Variants in AGBL1 observed in about 807,000 individuals in gnomAD.
AGBL1 encodes cytosolic carboxypeptidase 4.
A neutral mutation model predicts 118.9 loss-of-function variants in AGBL1; 130 were observed. The observed-to-expected ratio is 1.09, with a 90% CI of 0.95 to 1.26. AGBL1 has a LOEUF of 1.26. Among genes scored for constraint, AGBL1 ranks in the 50% most tolerant of loss-of-function variants. The pLI is 0.00. For synonymous variants in AGBL1, 555 were observed against 478.9 expected (o/e 1.16, Z -2.08); for missense variants, 1,584 against 1,298.1 (o/e 1.22, Z -3.38).
At position 86,538,238 on chromosome 15, in the gene AGBL1, A is replaced by T. The variant is rs190407602; in HGVS notation, c.2686-7764A>T. Among the ~76,000 whole-genome samples, 413 of 152,276 alleles carry T rather than the reference A, an allele frequency of 2.7e-3. 3 individuals carry two copies. The highest frequency in any genetic ancestry group is 3.4e-3 in the Non-Finnish European group (234 of 68,024). On this transcript the variant is annotated intron_variant, in intron 19 of 22. Coordinates refer to ENST00000614907, the MANE Select transcript of AGBL1 (RefSeq NM_001386094.1). ...CATGTTGAAACTTTGGCCCATGATG[A>T]CCCAATTTAAGTGAAAGTCTGAGTC...
At chr15:86,254,605 A>T (rs1453462405) in intron 7 of AGBL1, among the ~76,000 whole-genome samples, 1 of 152,214 alleles carries the variant, frequency 6.6e-6, no homozygotes, top group Non-Finnish European at 1.5e-5. Flanking sequence ...ATTGAGAGTG[A>T]TGGGAAAAGG....
At position 86,559,458 on chromosome 15, in the gene AGBL1, A is replaced by T. The variant is rs144331073; in HGVS notation, c.2994+4921A>T. Among the ~76,000 whole-genome samples, 18 of 152,118 alleles carry T rather than the reference A, an allele frequency of 1.2e-4. No individual in the cohort carries two copies. The East Asian group carries it at 2.5e-3, about 21-fold the overall frequency. On this transcript the variant is annotated intron_variant, in intron 21 of 22. Transcript: ENST00000614907. ...TCTCCACCTCATGATGAGGAAAATG[A>T]AAAGTTTCAGATTTTCTTGGAACAT...
At chr15:86,285,350 G>A (rs1413943560) in intron 16 of AGBL1, among the ~76,000 whole-genome samples, 2 of 151,996 alleles carry the variant, frequency 1.3e-5, no homozygotes, top group African/African-American at 4.8e-5. Context: ...ATATGGTTTG[G>A]CTGTGTCCCC....
rs549195199 is a variant in AGBL1, at chr15:86,801,077, T to G, written c.3159-106010T>G. ...TGCCTTCAGACAAAAAAACTCGAAC[T>G]TACATGTATAACACTTTTTTATGGC... On this transcript the variant is annotated intron_variant, in intron 22 of 22. Coordinates refer to ENST00000614907, the MANE Select transcript of AGBL1 (RefSeq NM_001386094.1). Among the ~76,000 whole-genome samples, 18 of 152,178 alleles carry G rather than the reference T, an allele frequency of 1.2e-4. No homozygotes were observed. The South Asian group carries it at 3.5e-3, about 30-fold the overall frequency.
intron 22 of AGBL1, among the ~76,000 whole-genome samples, chr15:86,702,572 A>C (rs994803915): frequency 1.3e-5 from 2 of 152,164 alleles, no homozygotes; most frequent in African/African-American, 4.8e-5. Flanking sequence ...CTCCATAGGA[A>C]CTACTTTCAA....
chr15:86,778,756 C>T (rs1392042116), intron 22 of AGBL1, among the ~76,000 whole-genome samples: 2 of 152,080 alleles, frequency 1.3e-5, no homozygotes, highest in Non-Finnish European at 2.9e-5. Context: ...ACAATCATCA[C>T]ATGGTCCTGA....
At chr15:86,421,112 A>G (rs1596093032) in intron 18 of AGBL1, among the ~76,000 whole-genome samples, 2 of 152,206 alleles carry the variant, frequency 1.3e-5, no homozygotes, top group East Asian at 1.9e-4. Context: ...ACAGTGAACA[A>G]TACAAACAGC....
chr15:86,576,831 T>G (rs540415303), intron 21 of AGBL1, among the ~76,000 whole-genome samples: 1 of 152,238 alleles, frequency 6.6e-6, no homozygotes, highest in African/African-American at 2.4e-5. Context: ...TTTTGCCTGC[T>G]GCCATCCATG....
intron 18 of AGBL1, among the ~76,000 whole-genome samples, chr15:86,455,434 T>C (rs1407492164): frequency 6.6e-6 from 1 of 152,184 alleles, no homozygotes; most frequent in African/African-American, 2.4e-5. Context: ...TAAAATTCAA[T>C]TTAATGCAAG....
intron 22 of AGBL1, among the ~76,000 whole-genome samples, chr15:86,719,313 T>C (rs2086682693): frequency 6.6e-6 from 1 of 152,146 alleles, no homozygotes; most frequent in Admixed American, 6.6e-5. Context: ...AGCCCCAGTT[T>C]TCTGCTGCCT....
chr15:86,586,588 G>A (rs932245299), intron 21 of AGBL1, among the ~76,000 whole-genome samples: 1 of 152,122 alleles, frequency 6.6e-6, no homozygotes, highest in African/African-American at 2.4e-5. Context: ...AGCAGCCCAG[G>A]AAAACAGTCT....
In AGBL1 at chr15:86,833,414, G is replaced by A. The variant is rs552736272; in HGVS notation, c.3159-73673G>A. On this transcript the variant is annotated intron_variant, in intron 22 of 22. Coordinates refer to ENST00000614907, the MANE Select transcript of AGBL1 (RefSeq NM_001386094.1). ...CTGGTTTTTCCCATGCTATTCTCCT[G>A]ATGGTGAGTAAGTCTCAGAAGATCT... Among the ~76,000 whole-genome samples, 14 of 152,200 alleles carry A rather than the reference G, an allele frequency of 9.2e-5. No homozygotes were observed. The South Asian group carries it at 2.3e-3, about 25-fold the overall frequency.
chr15:86,626,349 C>T (rs1269301264), intron 21 of AGBL1, among the ~76,000 whole-genome samples: 1 of 152,162 alleles, frequency 6.6e-6, no homozygotes, highest in African/African-American at 2.4e-5. Context: ...GAGACCATGT[C>T]CTTTGCAGGA....
chr15:87,019,329 A>G (rs2081639023), intron 24 of AGBL1, among the ~76,000 whole-genome samples: 1 of 152,076 alleles, frequency 6.6e-6, no homozygotes, highest in Non-Finnish European at 1.5e-5. Context: ...TCTTCTCATC[A>G]CTACACAGCA....
intron 1 of AGBL1, among the ~76,000 whole-genome samples, chr15:86,130,427 C>T (rs185251596): frequency 8.5e-4 from 129 of 152,130 alleles, no homozygotes; most frequent in Admixed American, 3.7e-3. Context: ...CCTGAAAAAT[C>T]GTGTCTTCTT....
In AGBL1 at chr15:86,798,243, G is replaced by T. The variant is rs1356793517; in HGVS notation, c.3159-108844G>T. Among the ~76,000 whole-genome samples, 3 of 152,204 alleles carry T rather than the reference G, an allele frequency of 2.0e-5. No homozygotes were observed. The East Asian group carries it at 5.8e-4, about 29-fold the overall frequency. ...AAATCTCGAGTGACAGAGTTGGCTTGGTAACAGTCAGATTACCTGTGGAAC... is the reference window on the plus strand; with the variant it reads ...AAATCTCGAGTGACAGAGTTGGCTTTGTAACAGTCAGATTACCTGTGGAAC... On this transcript the variant is annotated intron_variant, in intron 22 of 22. Transcript: ENST00000614907.
chr15:86,180,915 A>G (rs555858546), intron 5 of AGBL1, among the ~76,000 whole-genome samples: 1 of 152,272 alleles, frequency 6.6e-6, no homozygotes, highest in East Asian at 1.9e-4. Flanking sequence ...TGCACATAAA[A>G]TATGCTCAAC....
chr15:86,695,009 A>C (rs972124434), intron 22 of AGBL1, among the ~76,000 whole-genome samples: 6 of 152,068 alleles, frequency 3.9e-5, no homozygotes, highest in African/African-American at 1.4e-4. Flanking sequence ...TATTTTGTTA[A>C]GAATTTTTGC....
At chr15:86,236,210 G>C (rs2078539350) in intron 6 of AGBL1, among the ~76,000 whole-genome samples, 1 of 152,182 alleles carries the variant, frequency 6.6e-6, no homozygotes, top group African/African-American at 2.4e-5. Flanking sequence ...ACGCTGCTCA[G>C]CCTTTTTCTT....
Sources: allele counts gnomAD v4.1 joint callset (sites outside exome capture counted in the v4.1 genomes callset), GRCh38; gene constraint gnomAD v4.1.1; transcripts MANE v1.5; gene names NCBI Gene and HGNC (gene_info 2026-07-23, HGNC 2026-07-21).